The following ITGAD variants were observed in gnomAD, a reference collection of about 807,000 sequenced individuals.
The protein encoded by ITGAD is integrin alpha-D.
In ITGAD, 105 loss-of-function variants were observed where a neutral mutation model predicts 139.0. The ratio of observed to expected loss-of-function variants is 0.76; its 90% confidence interval spans 0.65 to 0.89. The LOEUF (loss-of-function observed/expected upper bound fraction) is 0.89, where lower values mean the gene tolerates loss of function less well. Ranked by LOEUF, ITGAD falls within the 40% of genes least tolerant of loss-of-function variation. The pLI is 0.00. For synonymous variants in ITGAD, 569 were observed against 598.3 expected, an observed-to-expected ratio of 0.95 and a Z score of 0.71; for missense variants, 1,384 against 1,487.3, an observed-to-expected ratio of 0.93 and a Z score of 1.14.
Position 31,411,295 on chromosome 16 carries a change from T to C in ITGAD, c.1498-13T>C. On this transcript the variant is annotated splice_polypyrimidine_tract_variant and intron_variant, in intron 13 of 29. Coordinates refer to ENST00000389202, the MANE Select transcript of ITGAD (RefSeq NM_005353.3). ...CACCTGGATTGGGGTCTGACACTGCTTGTGTTCAGCAGAGGGTGCAGTGGC... is the reference window on the plus strand; with the variant it reads ...CACCTGGATTGGGGTCTGACACTGCCTGTGTTCAGCAGAGGGTGCAGTGGC... 6.2e-7 allele frequency: 1 copy of C among 1,609,796 alleles called. No homozygotes were observed. The highest frequency in any genetic ancestry group is 8.5e-7 in the Non-Finnish European group (1 of 1,176,996).
intron 10 of ITGAD, 82 bp downstream of exon 10, chr16:31,408,580 T>C: frequency 7.9e-7 from 1 of 1,267,222 alleles, no homozygotes; most frequent in Non-Finnish European, 1.1e-6. Context: ...GAGCCAGACA[T>C]AAACAAGAGC....
In ITGAD at chr16:31,416,465, C is replaced by A. The variant is rs762055761; in HGVS notation, c.2358-40C>A. ...TGCCCTTCCCAGTTCCCACCTATTTCCAGTGGAGCGCCACTCCCAGCCTCG... is the reference window on the plus strand; with the variant it reads ...TGCCCTTCCCAGTTCCCACCTATTTACAGTGGAGCGCCACTCCCAGCCTCG... On this transcript the variant is annotated intron_variant, in intron 19 of 29. Transcript: ENST00000389202. The A allele has an allele frequency of 4.5e-5, 71 of 1,591,546 alleles. No homozygotes were observed. In the South Asian group the frequency reaches 4.7e-4, roughly 10 times the overall value.
intron 5 of ITGAD, 47 bp from the exon 6 acceptor site, chr16:31,402,050 CAGGAGCTGCAGGAGGGGG>C (rs1353582725): frequency 6.4e-7 from 1 of 1,565,478 alleles, no homozygotes; most frequent in African/African-American, 1.4e-5. Context: ...CTCTGTTGAG[CAGGAGCTGCAGGAGGGGG>C]TTGGGCCCCC....
chr16:31,418,677 G>A, intron 23 of ITGAD, 113 bp downstream of exon 23: 1 of 836,392 alleles, frequency 1.2e-6, no homozygotes, highest in Non-Finnish European at 2.0e-6. Context: ...TCCTGTTTTG[G>A]GATGCCTTTG....
At chr16:31,397,506 C>G in intron 3 of ITGAD, 44 bp downstream of exon 3, 1 of 1,579,836 alleles carries the variant, frequency 6.3e-7, no homozygotes, top group Non-Finnish European at 8.6e-7. Context: ...CCTCCTGGAC[C>G]CAACTGTGCC....
At chr16:31,396,525 C>G (rs997484512) in intron 2 of ITGAD, among the ~76,000 whole-genome samples, 1 of 152,178 alleles carries the variant, frequency 6.6e-6, no homozygotes, top group African/African-American at 2.4e-5. Flanking sequence ...TCGTTTGTAT[C>G]AGCAGGTTCC....
intron 9 of ITGAD, 33 bp downstream of exon 9, chr16:31,407,949 A>C (rs1348036240): frequency 4.5e-6 from 7 of 1,541,628 alleles, no homozygotes; most frequent in Non-Finnish European, 6.1e-6. Context: ...CTGGGAGCCA[A>C]GGGGTCCCCA....
chr16:31,422,444 C>A (rs1029319639), intron 23 of ITGAD, among the ~76,000 whole-genome samples: 1 of 152,156 alleles, frequency 6.6e-6, no homozygotes, highest in Non-Finnish European at 1.5e-5. Flanking sequence ...ATTTACTCAC[C>A]TGCCCCAGGA....
chr16:31,415,933 C>G (rs978419526), intron 18 of ITGAD, among the ~76,000 whole-genome samples: 4 of 152,228 alleles, frequency 2.6e-5, no homozygotes, highest in African/African-American at 9.6e-5. Context: ...CAACCCAGAA[C>G]CTGCACAATT....
At chr16:31,415,400 C>T (rs1255076053) in intron 18 of ITGAD, among the ~76,000 whole-genome samples, 2 of 152,194 alleles carry the variant, frequency 1.3e-5, no homozygotes, top group Non-Finnish European at 2.9e-5. Context: ...CCTCTGATGT[C>T]CTCTCTGACT....
Position 31,416,776 on chromosome 16 carries a change from CAT to C in ITGAD, c.2499+132_2499+133del, listed in dbSNP as rs1014469750. On this transcript the variant is annotated intron_variant, in intron 20 of 29. Transcript: ENST00000389202. ...TCTCTCTCTCTCTCACACACACACA[CAT>C]ACACACAGAGAAAGTGCATAAAGCA... The C allele has an allele frequency of 3.4e-5, 28 of 821,042 alleles. No individual in the cohort carries two copies. The African/African-American group carries it at 4.3e-4, about 13-fold the overall frequency. 50.9% of individuals were successfully genotyped at this position (821,042 alleles called of 1,614,324 possible).
intron 6 of ITGAD, chr16:31,402,997 A>G (rs1205340073): frequency 6.6e-6 from 1 of 152,540 alleles, no homozygotes; most frequent in Non-Finnish European, 1.5e-5. Flanking sequence ...TGTGGTTGGC[A>G]AAGTTATTTT....
rs1358555650 is a variant in ITGAD, at chr16:31,411,334, T to A, written c.1524T>A (p.Val508=). Reference sequence around the variant, plus strand: ...GGGTGCAGTGGCAGTGTGACGCTGTTCTCCGTGGTGAGCAGGGCCACCCCT... The same window carrying A: ...GGGTGCAGTGGCAGTGTGACGCTGTACTCCGTGGTGAGCAGGGCCACCCCT... The part of the protein sequence containing the change: ...RGRVQWQCDA[V]LRGEQGHPWG... The change falls in exon 14 of 30, where the codon GTT becomes GTA. Residue 508 remains valine, a synonymous_variant. Coordinates refer to ENST00000389202, the MANE Select transcript of ITGAD (RefSeq NM_005353.3). 6.2e-7 allele frequency: 1 copy of A among 1,613,674 alleles called. No homozygotes were observed. The highest frequency in any genetic ancestry group is 8.5e-7 in the Non-Finnish European group (1 of 1,179,762).
chr16:31,420,627 T>C (rs2081989466), intron 23 of ITGAD, among the ~76,000 whole-genome samples: 1 of 152,108 alleles, frequency 6.6e-6, no homozygotes. Context: ...CAGGCTGGAG[T>C]GCAATGTTGC....
rs747676300 is a variant in ITGAD at position 31,414,862 on chromosome 16, TTG to T, written c.2159_2160del (p.Val720GlyfsTer55). On this transcript the variant is annotated frameshift_variant, in exon 18 of 30. Coordinates refer to ENST00000389202, the MANE Select transcript of ITGAD (RefSeq NM_005353.3). LOFTEE classifies it high-confidence loss of function. The part of the protein sequence containing the change: ...CETLKLLLPD[C>X]VEDVVSPIIL... The stretch of plus-strand genomic sequence containing the variant: ...CTTGAAAGCCTGTTCTCTCTCAGGA[TTG>T]TGTGGAGGATGTGGTGAGCCCCATC... 3.7e-6 allele frequency: 6 copies of T among 1,613,948 alleles called. No individual in the cohort carries two copies. Among genetic ancestry groups the T allele is most frequent in the Non-Finnish European group, 5.1e-6 (6 of 1,179,954 alleles).
chr16:31,418,253 T>G (rs1442947803), intron 21 of ITGAD, 48 bp from the exon 22 acceptor site: 1 of 1,605,872 alleles, frequency 6.2e-7, no homozygotes, highest in East Asian at 2.2e-5. Flanking sequence ...TCCCTCACTC[T>G]GCCATGCCCT....
At chr16:31,401,668 G>A (rs74015518) in intron 5 of ITGAD, among the ~76,000 whole-genome samples, 4,764 of 152,330 alleles carry the variant, frequency 0.031, 237 homozygotes, top group African/African-American at 0.11. Flanking sequence ...GTGATCCCAC[G>A]TGGTAGCCAC....
At chr16:31,396,704 A>G (rs2090892205) in intron 2 of ITGAD, among the ~76,000 whole-genome samples, 1 of 152,250 alleles carries the variant, frequency 6.6e-6, no homozygotes, top group African/African-American at 2.4e-5. Flanking sequence ...ATACACCAGT[A>G]TCTGTCTGCT....
Position 31,397,547 on chromosome 16 carries a change from G to A in ITGAD, c.242-49G>A, listed in dbSNP as rs772049300. ...TTAGCTTCCAGTCCAGACCTTCCCC[G>A]CAAATGAGTGTGTGCTGTGAGTGAG... On this transcript the variant is annotated intron_variant, in intron 3 of 29. Coordinates refer to ENST00000389202, the MANE Select transcript of ITGAD (RefSeq NM_005353.3). The A allele has an allele frequency of 8.8e-6, 14 of 1,598,410 alleles. No individual in the cohort carries two copies. The Admixed American group carries it at 1.2e-4, about 14-fold the overall frequency.
Sources: gnomAD v4.1 joint callset for allele counts (sites outside exome capture counted in the v4.1 genomes callset) on GRCh38, gnomAD v4.1.1 for gene constraint, MANE v1.5 for transcripts, NCBI Gene and HGNC (gene_info 2026-07-23, HGNC 2026-07-21) for gene names.